MYO15A: variants seen among roughly 807,000 people sequenced by gnomAD.
MYO15A encodes the protein unconventional myosin-XV.
Under a neutral mutation model 394.6 loss-of-function variants are expected in MYO15A, and 308 were observed. The observed-to-expected ratio is 0.78, with a 90% CI of 0.71 to 0.86. MYO15A has a LOEUF of 0.86. MYO15A is among the 40% of genes least tolerant of loss of function. MYO15A has a pLI of 0.00. For synonymous variants in MYO15A, 1,957 were observed against 2,003.8 expected (o/e 0.98, Z 0.62); for missense variants, 4,606 against 4,799.1 (o/e 0.96, Z 1.19).
In MYO15A at chr17:18,122,115, A is replaced by G. The variant is rs1567626316; in HGVS notation, c.3315A>G (p.Glu1105=). The G allele has an allele frequency of 6.2e-7, 1 of 1,612,892 alleles. No individual in the cohort carries two copies. Among genetic ancestry groups the G allele is most frequent in the African/African-American group, 1.3e-5 (1 of 75,048 alleles). The change falls in exon 2 of 66, where the codon GAA becomes GAG. Residue 1105 remains glutamate, a synonymous_variant. Coordinates refer to ENST00000647165, the MANE Select transcript of MYO15A (RefSeq NM_016239.4). ...RAPEPLPKGG[E]RRQAAPGRFA... ...CAGAGCCCCTGCCCAAGGGGGGTGAACGGCGCCAGGCAGCCCCTGGGCGTT... is the reference window on the plus strand; with the variant it reads ...CAGAGCCCCTGCCCAAGGGGGGTGAGCGGCGCCAGGCAGCCCCTGGGCGTT...
rs374957183 is a variant in MYO15A at position 18,173,945 on chromosome 17, A to T, written c.10491+24A>T. 7.5e-6 allele frequency: 12 copies of T among 1,610,272 alleles called. No homozygotes were observed. In the African/African-American group the frequency reaches 1.2e-4, roughly 16 times the overall value. On this transcript the variant is annotated intron_variant, in intron 65 of 65. Transcript: ENST00000647165. ...AGGTGGGCCCAGCGCTAAGTCCAAC[A>T]TTCCACTCACTGGGCCCTTCTCTGG... is the stretch of plus-strand genomic sequence containing the variant.
At position 18,172,292 on chromosome 17, in the gene MYO15A, T is replaced by G. The variant is rs760148486; in HGVS notation, c.10350+2T>G. The G allele has an allele frequency of 6.2e-7, 1 of 1,614,196 alleles. No homozygotes were observed. The highest frequency in any genetic ancestry group is 2.2e-5 in the East Asian group (1 of 44,880). On this transcript the variant is annotated splice_donor_variant, in intron 64 of 65. Coordinates refer to ENST00000647165, the MANE Select transcript of MYO15A (RefSeq NM_016239.4). LOFTEE classifies it high-confidence loss of function. ...AACTTTCTCAGCACAGAGACTCATG[T>G]GAGTGGCCTCAGCCTGGCACTGCCA...
chr17:18,133,540 C>T (rs561336112), intron 12 of MYO15A, among the ~76,000 whole-genome samples, 154 bp downstream of exon 12: 1 of 152,266 alleles, frequency 6.6e-6, no homozygotes, highest in South Asian at 2.1e-4. Flanking sequence ...CATCTTTTTC[C>T]TCCTTATATA....
At chr17:18,159,175 G>T (rs553225793) in intron 53 of MYO15A, 100 bp from the exon 54 acceptor site, 9 of 1,472,666 alleles carry the variant, frequency 6.1e-6, no homozygotes, top group Non-Finnish European at 8.5e-6. Flanking sequence ...CTTTTGTGAC[G>T]TGGACCCTCC....
At chr17:18,174,576 CTCCAGCCTGGGTGA>C (rs2046987665) in intron 65 of MYO15A, among the ~76,000 whole-genome samples, 1 of 152,212 alleles carries the variant, frequency 6.6e-6, no homozygotes, top group Non-Finnish European at 1.5e-5. Flanking sequence ...TGCCAATGCA[CTCCAGCCTGGGTGA>C]CAAAGTGAGA....
chr17:18,124,794 T>TGTTTCTCTGCACCTCA, intron 3 of MYO15A: 1 of 596,714 alleles, frequency 1.7e-6, no homozygotes. Context: ...CAAATCGCTT[T>TGTTTCTCTGCACCTCA]GTTTCTCTGC....
At position 18,119,751 on chromosome 17, in the gene MYO15A, G is replaced by GC; in HGVS notation, c.956dup (p.Ser320ValfsTer38). ...ACGACGATTACGAACCCCCATATGCGCCCCCGTCGGGGTACTCGTCTCCTT... is the reference window on the plus strand; with the variant it reads ...ACGACGATTACGAACCCCCATATGCGCCCCCCGTCGGGGTACTCGTCTCCTT... On this transcript the variant is annotated frameshift_variant, in exon 2 of 66. Transcript: ENST00000647165. LOFTEE classifies it high-confidence loss of function. The GC allele has an allele frequency of 6.2e-7, 1 of 1,612,700 alleles. No individual in the cohort carries two copies. Among genetic ancestry groups the GC allele is most frequent in the Non-Finnish European group, 8.5e-7 (1 of 1,179,964 alleles).
At chr17:18,172,675 G>T (rs1032445972) in intron 64 of MYO15A, 3 of 356,228 alleles carry the variant, frequency 8.4e-6, no homozygotes, top group East Asian at 7.3e-5. Flanking sequence ...TTTCTTTGGT[G>T]GTTTGCAGAC....
chr17:18,116,523 G>A (rs147687922), intron 1 of MYO15A, among the ~76,000 whole-genome samples: 5 of 152,322 alleles, frequency 3.3e-5, no homozygotes, highest in East Asian at 1.9e-4. Context: ...CAGACCTGCT[G>A]TGAGAGTCCC....
intron 51 of MYO15A, 31 bp downstream of exon 51, chr17:18,157,931 G>GGGGGGCC: frequency 4.8e-6 from 2 of 412,714 alleles, no homozygotes; most frequent in Non-Finnish European, 4.5e-6. Context: ...GTGGGGCGGG[G>GGGGGGCC]TAGACCAGGG....
At chr17:18,133,115 C>A in intron 11 of MYO15A, 110 bp from the exon 12 acceptor site, 2 of 1,135,140 alleles carry the variant, frequency 1.8e-6, no homozygotes, top group Non-Finnish European at 1.3e-6. Context: ...GAAATGACAG[C>A]TTGAGTGACC....
Position 18,121,386 on chromosome 17 carries a change from G to C in MYO15A, c.2586G>C (p.Leu862=), listed in dbSNP as rs778560276. ...GCCACAGCCCGCGGCGCAGCTCCCT[G>C]AATCTGCCCTCGCGCCTCCCGCACA... is the stretch of plus-strand genomic sequence containing the variant. ...GLCHSPRRSS[L]NLPSRLPHTW... Residue 862 remains leucine (L), a synonymous_variant, in exon 2 of 66, where the codon CTG becomes CTC. Coordinates refer to ENST00000647165, the MANE Select transcript of MYO15A (RefSeq NM_016239.4). This position sits in a 1 kb window ranked among gnomAD's most constrained non-coding sequence, Gnocchi z 5.3. 5 of 1,529,626 alleles carry C rather than the reference G, an allele frequency of 3.3e-6. No individual in the cohort carries two copies. Among genetic ancestry groups the C allele is most frequent in the Non-Finnish European group, 4.4e-6 (5 of 1,142,572 alleles). 94.8% of individuals were successfully genotyped at this position (1,529,626 alleles called of 1,614,324 possible). A position where few individuals can be genotyped will look rare whatever the true frequency, so the allele number is the denominator to read the frequency against.
chr17:18,125,639 A>C lies in MYO15A; in HGVS notation c.3756+408A>C, dbSNP rs1051092761. 7 of 236,564 alleles carry C rather than the reference A, an allele frequency of 3.0e-5. No homozygotes were observed. In the East Asian group the frequency reaches 7.3e-4, roughly 25 times the overall value. 14.7% of individuals were successfully genotyped at this position (236,564 alleles called of 1,614,324 possible). On this transcript the variant is annotated intron_variant, in intron 4 of 65. Transcript: ENST00000647165. ...GAATGGCGTGAACCCCAGGAGGCAG[A>C]GCTTGCAGTGAGCGGAGATCGCGCC...
rs973338524 is a variant in MYO15A, at chr17:18,122,326, T to C, written c.3526T>C (p.Ser1176Pro). The C allele has an allele frequency of 3.1e-6, 5 of 1,612,776 alleles. No individual in the cohort carries two copies. The highest frequency in any genetic ancestry group is 4.2e-6 in the Non-Finnish European group (5 of 1,179,966). ...PWPRVHTHPQ[S>P]CHLGPGAACL... The stretch of plus-strand genomic sequence containing the variant: ...GCCACGAGTACACACCCATCCCCAG[T>C]CCTGCCACCTGGGCCCTGGAGCTGC... Residue 1176 changes from serine (S) to proline (P), a missense_variant, in exon 2 of 66, where the codon TCC becomes CCC. This residue lies in a region of MYO15A where 1,830 missense variants were observed against 1,689.7 expected (regional missense o/e 1.08). Coordinates refer to ENST00000647165, the MANE Select transcript of MYO15A (RefSeq NM_016239.4).
intron 56 of MYO15A, 132 bp downstream of exon 56, chr17:18,160,149 T>C (rs1043950259): frequency 3.5e-6 from 3 of 851,636 alleles, no homozygotes; most frequent in South Asian, 2.9e-5. Flanking sequence ...CCTCACTCAA[T>C]AGAGCACGTT....
rs557186938 is a variant in MYO15A at position 18,126,857 on chromosome 17, A to G, written c.3933A>G (p.Ile1311Met). Residue 1311 changes from isoleucine (I) to methionine (M), a missense_variant, in exon 6 of 66, where the codon ATA becomes ATG. Physicochemically the swap from Ile to Met is conservative, Grantham distance 10. Around this residue, in one of 2 missense-constraint regions of MYO15A, gnomAD observed 2,776 missense variants for 3,109.3 expected, o/e 0.89. Coordinates refer to ENST00000647165, the MANE Select transcript of MYO15A (RefSeq NM_016239.4). ...KMLDAKQNQC[I>M]IISGESGSGK... ...TCGATGCCAAACAGAACCAGTGCATAATCATTAGGTGAGTGGGCTGCCTTT... is the reference window on the plus strand; with the variant it reads ...TCGATGCCAAACAGAACCAGTGCATGATCATTAGGTGAGTGGGCTGCCTTT... 1.2e-6 allele frequency: 2 copies of G among 1,613,888 alleles called. No homozygotes were observed. The highest frequency in any genetic ancestry group is 1.1e-5 in the South Asian group (1 of 91,064).
chr17:18,141,404 A>C (rs1352335224), intron 22 of MYO15A, among the ~76,000 whole-genome samples: 1 of 152,274 alleles, frequency 6.6e-6, no homozygotes, highest in African/African-American at 2.4e-5. Flanking sequence ...AGTTATAATG[A>C]CAAGTTTCCA....
chr17:18,169,005 C>G (rs1412755954), intron 62 of MYO15A, among the ~76,000 whole-genome samples: 1 of 148,938 alleles, frequency 6.7e-6, no homozygotes, highest in African/African-American at 2.5e-5. Flanking sequence ...CCCAGCTACT[C>G]AGGAGGCTGA....
chr17:18,134,237 C>T (rs1472810030), intron 12 of MYO15A, among the ~76,000 whole-genome samples: 2 of 152,150 alleles, frequency 1.3e-5, no homozygotes, highest in African/African-American at 4.8e-5. Context: ...ATCCGCCCAC[C>T]TCGGCCTCCC....
Sources: allele counts gnomAD v4.1 joint callset (sites outside exome capture counted in the v4.1 genomes callset), GRCh38; gene constraint gnomAD v4.1.1; regional missense constraint gnomAD v4.1.1; non-coding constraint Gnocchi (gnomAD v3.1); transcripts MANE v1.5; gene names NCBI Gene and HGNC (gene_info 2026-07-23, HGNC 2026-07-21).